TET1: variants seen among roughly 807,000 people sequenced by gnomAD.
TET1 encodes tet methylcytosine dioxygenase 1.
In TET1, 13 loss-of-function variants were observed where a neutral mutation model predicts 148.7. The ratio of observed to expected loss-of-function variants is 0.09; its 90% confidence interval spans 0.06 to 0.14. The LOEUF is 0.14. Ranked by LOEUF, TET1 falls within the 10% of genes least tolerant of loss-of-function variation. The pLI is 1.00. For synonymous variants in TET1, 907 were observed against 937.2 expected, an observed-to-expected ratio of 0.97 and a Z score of 0.59; for missense variants, 2,182 against 2,553.8, an observed-to-expected ratio of 0.85 and a Z score of 3.14.
rs1589138947 is a variant in TET1 at position 68,692,952 on chromosome 10, T to A, written c.*1138T>A. 1.3e-5 allele frequency: 3 copies of A among 229,882 alleles called. No individual in the cohort carries two copies. The East Asian group carries it at 1.9e-4, about 14-fold the overall frequency. The allele number at this position is 229,882 out of a possible 1,614,324, so 14.2% of individuals were successfully genotyped here. ...CTGATACAGAATTAGAAAAAAAAAA[T>A]TCTTGTTGAAATATTTTGAAAACAA... On this transcript the variant is annotated 3_prime_UTR_variant, in exon 12 of 12. Transcript: ENST00000373644.
At chr10:68,609,030 G>T (rs2054168360) in intron 3 of TET1, among the ~76,000 whole-genome samples, 1 of 151,848 alleles carries the variant, frequency 6.6e-6, no homozygotes, top group South Asian at 2.1e-4. Flanking sequence ...TTATGACAGG[G>T]TCTCACTTTG....
At position 68,573,712 on chromosome 10, in the gene TET1, T is replaced by C. The variant is rs984072443; in HGVS notation, c.1374T>C (p.Tyr458=). ...KWPEPQSTVS[Y]GLAVQGAIQI... is the part of the protein sequence containing the mutation. ...CTGAGCCCCAAAGCACTGTCTCATA[T>C]GGACTTGCAGTCCAGGGTGCTATAC... The change falls in exon 2 of 12, where the codon TAT becomes TAC. Residue 458 remains tyrosine, a synonymous_variant. Coordinates refer to ENST00000373644, the MANE Select transcript of TET1 (RefSeq NM_030625.3). 2 of 1,614,048 alleles carry C rather than the reference T, an allele frequency of 1.2e-6. No individual in the cohort carries two copies.
chr10:68,656,657 G>A (rs763998048), intron 6 of TET1, among the ~76,000 whole-genome samples: 1 of 152,202 alleles, frequency 6.6e-6, no homozygotes, highest in Non-Finnish European at 1.5e-5. Flanking sequence ...AGAGAGCAAT[G>A]CCGAGCCTAG....
chr10:68,644,790 G>A lies in TET1; in HGVS notation c.2061G>A (p.Leu687=). 6.2e-7 allele frequency: 1 copy of A among 1,613,756 alleles called. No homozygotes were observed. Among genetic ancestry groups the A allele is most frequent in the Non-Finnish European group, 8.5e-7 (1 of 1,179,926 alleles). The change falls in exon 4 of 12, where the codon TTG becomes TTA. Residue 687 remains leucine, a synonymous_variant. Coordinates refer to ENST00000373644, the MANE Select transcript of TET1 (RefSeq NM_030625.3). ...CGHGEEQKLE[L]NPHTVENVTK... is the part of the protein sequence containing the mutation. ...ATGGGGAAGAACAAAAATTGGAATTGAACCCACATACTGTTGAAAATGTAA... is the reference window on the plus strand; with the variant it reads ...ATGGGGAAGAACAAAAATTGGAATTAAACCCACATACTGTTGAAAATGTAA...
At position 68,600,251 on chromosome 10, in the gene TET1, C is replaced by T. The variant is rs548793393; in HGVS notation, c.1915-730C>T. Among the ~76,000 whole-genome samples, 52 of 152,290 alleles carry T rather than the reference C, an allele frequency of 3.4e-4. No homozygotes were observed. The South Asian group carries it at 0.01, about 30-fold the overall frequency. Reference sequence around the variant, plus strand: ...TGTCTCCTGTACATTGGAGGCAGAGCAGCGCACCCCTCCCCCATGCAGACC... The same window carrying T: ...TGTCTCCTGTACATTGGAGGCAGAGTAGCGCACCCCTCCCCCATGCAGACC... On this transcript the variant is annotated intron_variant, in intron 2 of 11. Coordinates refer to ENST00000373644, the MANE Select transcript of TET1 (RefSeq NM_030625.3).
chr10:68,669,914 G>T (rs1259337029), intron 7 of TET1, among the ~76,000 whole-genome samples: 1 of 152,138 alleles, frequency 6.6e-6, no homozygotes, highest in East Asian at 1.9e-4. Context: ...AAAGTGCTGG[G>T]ATTACAGACG....
rs145401344 is a variant in TET1 at position 68,610,892 on chromosome 10, G to A, written c.1968+9858G>A. On this transcript the variant is annotated intron_variant, in intron 3 of 11. Coordinates refer to ENST00000373644, the MANE Select transcript of TET1 (RefSeq NM_030625.3). The stretch of plus-strand genomic sequence containing the variant: ...GCTGGTCTCAAACTCCTGGGCTCAA[G>A]CAAACCCAAAGTACTAGCACTACAG... Among the ~76,000 whole-genome samples the A allele has an allele frequency of 5.0e-3, 762 of 152,250 alleles. 7 individuals are homozygous for A. The highest frequency in any genetic ancestry group is 0.017 in the African/African-American group (713 of 41,530).
intron 2 of TET1, among the ~76,000 whole-genome samples, chr10:68,577,621 A>G (rs2053747837): frequency 6.6e-6 from 1 of 152,124 alleles, no homozygotes; most frequent in Non-Finnish European, 1.5e-5. Context: ...CAGCCTGGCC[A>G]ACATGGTGAA....
intron 2 of TET1, among the ~76,000 whole-genome samples, chr10:68,589,571 T>C (rs2053896110): frequency 6.6e-6 from 1 of 151,792 alleles, no homozygotes; most frequent in Non-Finnish European, 1.5e-5. Context: ...CCCAAAGTGC[T>C]GGGCTGACAG....
intron 1 of TET1, among the ~76,000 whole-genome samples, chr10:68,571,251 A>G (rs1423372586): frequency 6.6e-6 from 1 of 151,122 alleles, no homozygotes; most frequent in Non-Finnish European, 1.5e-5. Flanking sequence ...CGGCCTCCCA[A>G]AGTGCTGGGA....
rs2054832311 is a variant in TET1, at chr10:68,645,672, TATC to T, written c.2945_2947del (p.Ile982del). 6.2e-7 allele frequency: 1 copy of T among 1,614,192 alleles called. No homozygotes were observed. Among genetic ancestry groups the T allele is most frequent in the South Asian group, 1.1e-5 (1 of 91,086 alleles). ...AAACTACTACCCTTTCCAACTCACATATCAACTCAGCTACTAACCAAGCATCCA... is the reference window on the plus strand; with the variant it reads ...AAACTACTACCCTTTCCAACTCACATAACTCAGCTACTAACCAAGCATCCA... On this transcript the variant is annotated inframe_deletion, in exon 4 of 12. Coordinates refer to ENST00000373644, the MANE Select transcript of TET1 (RefSeq NM_030625.3).
rs778097495 is a variant in TET1, at chr10:68,646,327, C to G, written c.3598C>G (p.Gln1200Glu). The G allele has an allele frequency of 1.2e-6, 2 of 1,613,946 alleles. No individual in the cohort carries two copies. The highest frequency in any genetic ancestry group is 1.7e-6 in the Non-Finnish European group (2 of 1,180,006). ...WIASKFQNFGQFCPHDFPTVF... is the reference protein window; with the variant it reads ...WIASKFQNFGEFCPHDFPTVF... ...AGCATCGAAATTTCAAAATTTTGGG[C>G]AATTTTGTCCACATGATTTTCCTAC... The change falls in exon 4 of 12, where the codon CAA becomes GAA. Residue 1200 changes from glutamine to glutamate, a missense_variant. Physicochemically the swap from Gln to Glu is conservative, Grantham distance 29 (BLOSUM62 2). This residue lies in a region of TET1 where 582 missense variants were observed against 599.5 expected (regional missense o/e 0.97). Transcript: ENST00000373644.
At chr10:68,674,599 T>C (rs2133201107) in intron 8 of TET1, 5 of 519,250 alleles carry the variant, frequency 9.6e-6, no homozygotes, top group South Asian at 6.6e-5. Flanking sequence ...AGGGGAATGA[T>C]TGCCTGATGA....
chr10:68,644,496 A>G (rs959714705), intron 3 of TET1, among the ~76,000 whole-genome samples: 4 of 152,152 alleles, frequency 2.6e-5, no homozygotes, highest in Non-Finnish European at 5.9e-5. Flanking sequence ...GTGAGTCACT[A>G]TGCCTAGCCT....
chr10:68,671,638 G>A (rs1006671609), intron 7 of TET1, among the ~76,000 whole-genome samples: 7 of 152,146 alleles, frequency 4.6e-5, no homozygotes. Flanking sequence ...GTCATTCTTA[G>A]CATATAGTTT....
intron 6 of TET1, among the ~76,000 whole-genome samples, chr10:68,663,119 A>G (rs2055146344): frequency 1.3e-5 from 2 of 152,200 alleles, no homozygotes; most frequent in Non-Finnish European, 2.9e-5. Context: ...TATCCATGTA[A>G]TAAAACTGCA....
rs915396226 is a variant in TET1 at position 68,632,745 on chromosome 10, A to G, written c.1969-11953A>G. On this transcript the variant is annotated intron_variant, in intron 3 of 11. Transcript: ENST00000373644. ...GCAATTGAACAATCTTGAGCATAGA[A>G]AAGAAGTCAATGTAAACGAAGTTAA... 3.8e-6 allele frequency: 6 copies of G among 1,594,936 alleles called. No homozygotes were observed. In the African/African-American group the frequency reaches 8.1e-5, roughly 22 times the overall value.
At chr10:68,647,322 G>A (rs1364258572) in intron 4 of TET1, among the ~76,000 whole-genome samples, 1 of 152,182 alleles carries the variant, frequency 6.6e-6, no homozygotes, top group African/African-American at 2.4e-5. Context: ...GAATTTCGTA[G>A]GCCAGGCGCA....
intron 6 of TET1, among the ~76,000 whole-genome samples, chr10:68,656,492 A>C (rs1334275395): frequency 4.6e-5 from 7 of 152,192 alleles, no homozygotes; most frequent in Admixed American, 2.6e-4. Context: ...TTGATCTCCT[A>C]ACCTCATGAT....
Sources: gnomAD v4.1 joint callset for allele counts (sites outside exome capture counted in the v4.1 genomes callset) on GRCh38, gnomAD v4.1.1 for gene constraint, gnomAD v4.1.1 regional missense constraint, MANE v1.5 for transcripts, NCBI Gene and HGNC (gene_info 2026-07-23, HGNC 2026-07-21) for gene names.